The following NUCB1 variants were observed in gnomAD, a reference collection of about 807,000 sequenced individuals.
NUCB1 encodes the protein nucleobindin 1.
Under a neutral mutation model 61.2 loss-of-function variants are expected in NUCB1, and 47 were observed. The observed-to-expected ratio is 0.77, with a 90% confidence interval of 0.61 to 0.98. The LOEUF is 0.98. Among genes scored for constraint, NUCB1 ranks in the 50% least tolerant of loss-of-function variants. NUCB1 has a pLI of 0.00. For synonymous variants in NUCB1, 234 were observed against 243.1 expected, an observed-to-expected ratio of 0.96 and a Z score of 0.35; for missense variants, 583 against 605.3, an observed-to-expected ratio of 0.96 and a Z score of 0.39.
At position 48,923,238 on chromosome 19, in the gene NUCB1, TC is replaced by T. The variant is rs1374974837; in HGVS notation, c.*816del. On this transcript the variant is annotated 3_prime_UTR_variant, in exon 13 of 13. Coordinates refer to ENST00000405315, the MANE Select transcript of NUCB1 (RefSeq NM_006184.6). ...TCCTGCTGTGTGTCCTGTTCCATGT[TC>T]CGGTTCCATCCAAATACACTTTCTG... is the stretch of plus-strand genomic sequence containing the variant. The T allele has an allele frequency of 1.3e-5, 2 of 152,368 alleles. No homozygotes were observed. Among genetic ancestry groups the T allele is most frequent in the Non-Finnish European group, 1.5e-5 (1 of 68,158 alleles). 9.4% of individuals were successfully genotyped at this position (152,368 alleles called of 1,614,324 possible).
At chr19:48,913,382 G>T in intron 6 of NUCB1, 92 bp from the exon 7 acceptor site, 1 of 1,270,156 alleles carries the variant, frequency 7.9e-7, no homozygotes, top group South Asian at 1.2e-5. Context: ...TGAGGGAGAT[G>T]ATGTTTGTTG....
At chr19:48,913,373 G>C (rs1305600132) in intron 6 of NUCB1, 101 bp from the exon 7 acceptor site, 6 of 1,258,374 alleles carry the variant, frequency 4.8e-6, no homozygotes, top group Admixed American at 3.7e-5. Flanking sequence ...TTTCTTGCTT[G>C]AGGGAGATGA....
intron 10 of NUCB1, among the ~76,000 whole-genome samples, chr19:48,919,581 A>G (rs946331774): frequency 3.5e-4 from 52 of 150,572 alleles, no homozygotes; most frequent in African/African-American, 1.3e-3. Context: ...AGGTTCAAGC[A>G]ATTCTCCTGG....
At chr19:48,911,405 C>CT (rs1163076168) in intron 5 of NUCB1, among the ~76,000 whole-genome samples, 153 bp downstream of exon 5, 1,463 of 104,440 alleles carry the variant, frequency 0.014, 27 homozygotes, top group African/African-American at 0.049. Flanking sequence ...CTTTTCTTTT[C>CT]TTTTTTTTTT....
At chr19:48,919,807 C>T (rs1167075921) in intron 10 of NUCB1, among the ~76,000 whole-genome samples, 1 of 133,268 alleles carries the variant, frequency 7.5e-6, no homozygotes, top group Non-Finnish European at 1.5e-5. Context: ...CTTGCTCTGT[C>T]GCGTAGGCTG....
In NUCB1 at chr19:48,922,659, T is replaced by G; in HGVS notation, c.*235T>G. The G allele has an allele frequency of 2.0e-6, 1 of 511,926 alleles. No individual in the cohort carries two copies. 31.7% of individuals were successfully genotyped at this position (511,926 alleles called of 1,614,324 possible). A position where few individuals can be genotyped will look rare whatever the true frequency, so the allele number is the denominator to read the frequency against. On this transcript the variant is annotated 3_prime_UTR_variant, in exon 13 of 13. Coordinates refer to ENST00000405315, the MANE Select transcript of NUCB1 (RefSeq NM_006184.6). ...CCTCCGAGGGGCTTGCCTTCTCTCG[T>G]GTCCAGTGAGGTGCTCAGTGATCGG...
chr19:48,911,263 T>C lies in NUCB1; in HGVS notation c.480+11T>C, dbSNP rs539922522. The C allele has an allele frequency of 4.4e-6, 7 of 1,598,634 alleles. No homozygotes were observed. The African/African-American group carries it at 9.4e-5, about 21-fold the overall frequency. ...CTGCTGATCCAGACGGTAATGGGAG[T>C]GGGTCCGGAGGCAGAGGATTGAGGG... On this transcript the variant is annotated intron_variant, in intron 5 of 12. Coordinates refer to ENST00000405315, the MANE Select transcript of NUCB1 (RefSeq NM_006184.6).
rs2037342709 is a variant in NUCB1, at chr19:48,900,565, G to A, written c.-12+193G>A. 5.1e-6 allele frequency: 3 copies of A among 592,186 alleles called. No individual in the cohort carries two copies. The East Asian group carries it at 8.6e-5, about 17-fold the overall frequency. 36.7% of individuals were successfully genotyped at this position (592,186 alleles called of 1,614,324 possible). A position where few individuals can be genotyped will look rare whatever the true frequency, so the allele number is the denominator to read the frequency against. On this transcript the variant is annotated intron_variant, in intron 1 of 12. Coordinates refer to ENST00000405315, the MANE Select transcript of NUCB1 (RefSeq NM_006184.6). Reference sequence around the variant, plus strand: ...ATCCCGGATTCCTGAGTGTGAGAGAGGAGCGTGTTGGGAGCCAGGACCCCT... The same window carrying A: ...ATCCCGGATTCCTGAGTGTGAGAGAAGAGCGTGTTGGGAGCCAGGACCCCT...
intron 4 of NUCB1, among the ~76,000 whole-genome samples, chr19:48,910,570 T>C (rs1327005027): frequency 6.6e-6 from 1 of 151,588 alleles, no homozygotes; most frequent in Admixed American, 6.6e-5. Flanking sequence ...CATGCACCTG[T>C]AGTCCCAGTT....
intron 6 of NUCB1, 88 bp downstream of exon 6, chr19:48,913,284 G>C: frequency 7.3e-7 from 1 of 1,368,744 alleles, no homozygotes; most frequent in South Asian, 1.4e-5. Context: ...ACAATTCCCA[G>C]GGGCCCTTGA....
chr19:48,913,302 A>G (rs2037500274), intron 6 of NUCB1, 106 bp downstream of exon 6: 1 of 1,321,600 alleles, frequency 7.6e-7, no homozygotes, highest in African/African-American at 1.5e-5. Flanking sequence ...TGAGGCAAAA[A>G]AACTCCCTGT....
intron 4 of NUCB1, among the ~76,000 whole-genome samples, chr19:48,907,527 G>A (rs867378496): frequency 2.4e-4 from 36 of 151,922 alleles, no homozygotes; most frequent in African/African-American, 8.2e-4. Context: ...CTCCTGTCTC[G>A]GCCTTCCAAA....
At chr19:48,904,482 G>A (rs2037391030) in intron 3 of NUCB1, 28 bp downstream of exon 3, 1 of 1,458,290 alleles carries the variant, frequency 6.9e-7, no homozygotes, top group Non-Finnish European at 9.6e-7. Flanking sequence ...GGGGCTGTGG[G>A]AGGGGTACGT....
intron 2 of NUCB1, among the ~76,000 whole-genome samples, chr19:48,902,418 TTC>T (rs2037361580): frequency 1.7e-5 from 2 of 120,990 alleles, no homozygotes; most frequent in African/African-American, 1.0e-4. Context: ...CTTTTCCTTT[TTC>T]TTTTTTTTTT....
chr19:48,911,381 G>C (rs2037470486), intron 5 of NUCB1, 129 bp downstream of exon 5: 1 of 606,444 alleles, frequency 1.6e-6, no homozygotes, highest in Admixed American at 3.1e-5. Context: ...GGCTGGTAGA[G>C]GGCTGAGTCG....
rs2037623618 is a variant in NUCB1, at chr19:48,922,520, T to G, written c.*96T>G. The G allele has an allele frequency of 1.0e-6, 1 of 992,934 alleles. No individual in the cohort carries two copies. Among genetic ancestry groups the G allele is most frequent in the Non-Finnish European group, 1.6e-6 (1 of 643,344 alleles). The allele number at this position is 992,934 out of a possible 1,614,324, so 61.5% of individuals were successfully genotyped here. On this transcript the variant is annotated 3_prime_UTR_variant, in exon 13 of 13. Coordinates refer to ENST00000405315, the MANE Select transcript of NUCB1 (RefSeq NM_006184.6). Reference sequence around the variant, plus strand: ...CAGTCAGCTTCCCTGGGGGCTGGTGTCATGTTGGGCTCCTGGGGCGGGGGC... The same window carrying G: ...CAGTCAGCTTCCCTGGGGGCTGGTGGCATGTTGGGCTCCTGGGGCGGGGGC...
chr19:48,917,862 G>C (rs554252613), intron 7 of NUCB1, among the ~76,000 whole-genome samples: 2 of 139,686 alleles, frequency 1.4e-5, no homozygotes, highest in African/African-American at 5.6e-5. Context: ...AGCTGGTCTC[G>C]AACTTAATGT....
chr19:48,911,125 G>A, intron 4 of NUCB1, 24 bp from the exon 5 acceptor site: 2 of 1,552,674 alleles, frequency 1.3e-6, no homozygotes, highest in Non-Finnish European at 1.8e-6. Context: ...GCCCTCAGGT[G>A]TTGGACTCTT....
In NUCB1 at chr19:48,904,390, A is replaced by T; in HGVS notation, c.179A>T (p.Asp60Val). 1 of 1,612,582 alleles carries T rather than the reference A, an allele frequency of 6.2e-7. No individual in the cohort carries two copies. Among genetic ancestry groups the T allele is most frequent in the Non-Finnish European group, 8.5e-7 (1 of 1,179,272 alleles). ...YYHRYLQEVI[D>V]VLETDGHFRE... is the part of the protein sequence containing the mutation. ...CACCGGTACCTCCAGGAGGTCATCG[A>T]TGTACTGGAGACGGATGGGCATTTC... The change falls in exon 3 of 13, where the codon GAT becomes GTT. Residue 60 changes from aspartate to valine, a missense_variant. Physicochemically the swap from Asp to Val is radical, Grantham distance 152. Transcript: ENST00000405315.
Sources: gnomAD v4.1 joint callset for allele counts (sites outside exome capture counted in the v4.1 genomes callset) on GRCh38, gnomAD v4.1.1 for gene constraint, MANE v1.5 for transcripts, NCBI Gene and HGNC (gene_info 2026-07-23, HGNC 2026-07-21) for gene names.